NTNG1: variants seen among roughly 807,000 people sequenced by gnomAD.
NTNG1 encodes the protein netrin G1.
In NTNG1, 16 loss-of-function variants were observed where a neutral mutation model predicts 54.0. The ratio of observed to expected loss-of-function variants is 0.30; its 90% confidence interval spans 0.20 to 0.45. The LOEUF is 0.45. Among genes scored for constraint, NTNG1 ranks in the 20% least tolerant of loss-of-function variants. The pLI is 1.00. For synonymous variants in NTNG1, 255 were observed against 263.1 expected (o/e 0.97, Z 0.30); for missense variants, 530 against 678.7 (o/e 0.78, Z 2.43).
At chr1:107,160,063 T>C (rs550501749) in intron 2 of NTNG1, among the ~76,000 whole-genome samples, 1 of 152,330 alleles carries the variant, frequency 6.6e-6, no homozygotes, top group African/African-American at 2.4e-5. Context: ...GTTAGTGTGA[T>C]GCTTTTGTTT....
chr1:107,352,114 G>A (rs1049328534), intron 3 of NTNG1, among the ~76,000 whole-genome samples: 4 of 152,356 alleles, frequency 2.6e-5, no homozygotes, highest in Admixed American at 6.5e-5. Flanking sequence ...ATGGGTTGGC[G>A]TTGAGTGCTT....
intron 2 of NTNG1, among the ~76,000 whole-genome samples, chr1:107,296,432 C>G (rs2101784664): frequency 6.6e-6 from 1 of 151,942 alleles, no homozygotes; most frequent in South Asian, 2.1e-4. Context: ...GACAATCTAA[C>G]TGGAAAAAGA....
At chr1:107,143,650 TA>T (rs1198855237) in intron 1 of NTNG1, among the ~76,000 whole-genome samples, 1 of 152,158 alleles carries the variant, frequency 6.6e-6, no homozygotes, top group Non-Finnish European at 1.5e-5. Flanking sequence ...TAGCATACTT[TA>T]AAAAATAATT....
At chr1:107,338,859 A>T (rs1668743357) in intron 3 of NTNG1, among the ~76,000 whole-genome samples, 1 of 135,548 alleles carries the variant, frequency 7.4e-6, no homozygotes, top group Non-Finnish European at 1.6e-5. Context: ...AGATAAAACA[A>T]AGTAAGAAGC....
At position 107,417,433 on chromosome 1, in the gene NTNG1, C is replaced by G. The variant is rs150113564; in HGVS notation, c.1087+9725C>G. Among the ~76,000 whole-genome samples, 526 of 152,170 alleles carry G rather than the reference C, an allele frequency of 3.5e-3. 4 individuals are homozygous for G. The highest frequency in any genetic ancestry group is 5.2e-3 in the Non-Finnish European group (354 of 67,960). ...TATGGAGGAAACAACATGATAATAC[C>G]TGTTTACAGTAGCATAGCCACTTGG... On this transcript the variant is annotated intron_variant, in intron 5 of 7. Transcript: ENST00000370068.
At chr1:107,350,193 G>C (rs1669518016) in intron 3 of NTNG1, among the ~76,000 whole-genome samples, 1 of 151,854 alleles carries the variant, frequency 6.6e-6, no homozygotes, top group Non-Finnish European at 1.5e-5. Flanking sequence ...CTTATATTGG[G>C]AAATATCTTT....
At position 107,199,425 on chromosome 1, in the gene NTNG1, C is replaced by T. The variant is rs563326194; in HGVS notation, c.246+50586C>T. On this transcript the variant is annotated intron_variant, in intron 2 of 7. Coordinates refer to ENST00000370068, the MANE Select transcript of NTNG1 (RefSeq NM_001113226.3). ...GATCTATATCTTTGTAACTTCTACA[C>T]GAGTATTAAATTGTATTGCAGTCCT... Among the ~76,000 whole-genome samples the T allele has an allele frequency of 9.9e-5, 15 of 151,900 alleles. No individual in the cohort carries two copies. In the South Asian group the frequency reaches 1.0e-3, roughly 11 times the overall value.
chr1:107,436,198 A>T (rs1441100573), intron 6 of NTNG1, among the ~76,000 whole-genome samples: 1 of 152,238 alleles, frequency 6.6e-6, no homozygotes, highest in Non-Finnish European at 1.5e-5. Context: ...ATCATAAAGT[A>T]AAACTACCTT....
At chr1:107,443,193 C>T (rs1338107840) in intron 7 of NTNG1, among the ~76,000 whole-genome samples, 1 of 152,092 alleles carries the variant, frequency 6.6e-6, no homozygotes, top group Non-Finnish European at 1.5e-5. Flanking sequence ...GTAAGAACCA[C>T]AGTTTGATCA....
At chr1:107,209,398 G>C (rs1659445928) in intron 2 of NTNG1, among the ~76,000 whole-genome samples, 1 of 152,144 alleles carries the variant, frequency 6.6e-6, no homozygotes, top group African/African-American at 2.4e-5. Context: ...CAGATGATGA[G>C]ATAGTGGCGA....
chr1:107,406,891 C>A (rs1477888192), intron 4 of NTNG1, among the ~76,000 whole-genome samples: 3 of 152,236 alleles, frequency 2.0e-5, no homozygotes, highest in Middle Eastern at 3.4e-3. Context: ...ACTCAGAGAG[C>A]CTGGCTTCTG....
At chr1:107,330,774 G>A (rs896344486) in intron 3 of NTNG1, 2 of 152,012 alleles carry the variant, frequency 1.3e-5, no homozygotes, top group African/African-American at 4.8e-5. Flanking sequence ...TGTTATGGTG[G>A]ACTCTTTGAG....
intron 2 of NTNG1, among the ~76,000 whole-genome samples, chr1:107,167,036 A>C (rs943667141): frequency 6.6e-6 from 1 of 152,098 alleles, no homozygotes. Context: ...ACATTCTGTA[A>C]TCCCAGCCCA....
At position 107,393,148 on chromosome 1, in the gene NTNG1, A is replaced by G. The variant is rs868560405; in HGVS notation, c.888-2006A>G. Among the ~76,000 whole-genome samples the G allele has an allele frequency of 5.3e-5, 8 of 152,218 alleles. No individual in the cohort carries two copies. In the South Asian group the frequency reaches 1.7e-3, roughly 32 times the overall value. ...AAGTATGAAAGTATTAACAGTTACAAGATACATAATCCAATTTACAATTAC... is the reference window on the plus strand; with the variant it reads ...AAGTATGAAAGTATTAACAGTTACAGGATACATAATCCAATTTACAATTAC... On this transcript the variant is annotated intron_variant, in intron 3 of 7. Transcript: ENST00000370068.
intron 3 of NTNG1, among the ~76,000 whole-genome samples, chr1:107,360,365 C>T (rs377530678): frequency 2.6e-5 from 4 of 151,818 alleles, no homozygotes; most frequent in Admixed American, 6.6e-5. Context: ...GAGTGGGCCA[C>T]GGAAATATCT....
Position 107,219,575 on chromosome 1 carries a change from G to C in NTNG1, c.246+70736G>C, listed in dbSNP as rs1660207170. Among the ~76,000 whole-genome samples the C allele has an allele frequency of 1.3e-5, 2 of 152,214 alleles. 1 individual carries two copies. The highest frequency in any genetic ancestry group is 4.8e-5 in the African/African-American group (2 of 41,452). Reference sequence around the variant, plus strand: ...GAAGATATAGGACTTAAGGGCTGCTGTTGAGATTCTTCTGTCTCATGGGAT... The same window carrying C: ...GAAGATATAGGACTTAAGGGCTGCTCTTGAGATTCTTCTGTCTCATGGGAT... On this transcript the variant is annotated intron_variant, in intron 2 of 7. Transcript: ENST00000370068.
At chr1:107,327,910 A>ATACTGGC (rs1370872773) in intron 3 of NTNG1, among the ~76,000 whole-genome samples, 2 of 152,118 alleles carry the variant, frequency 1.3e-5, no homozygotes, top group African/African-American at 4.8e-5. Context: ...TGTTTGTTTT[A>ATACTGGC]TACTGGCTAG....
At chr1:107,467,283 A>G (rs1677668842) in intron 7 of NTNG1, among the ~76,000 whole-genome samples, 1 of 152,256 alleles carries the variant, frequency 6.6e-6, no homozygotes, top group Admixed American at 6.5e-5. Context: ...TCATTAAGCT[A>G]GAAATTGCTA....
chr1:107,301,731 G>A (rs1240249754), intron 2 of NTNG1, among the ~76,000 whole-genome samples: 1 of 151,902 alleles, frequency 6.6e-6, no homozygotes, highest in African/African-American at 2.4e-5. Context: ...TCTATTCTAC[G>A]CAACACAAGT....
Sources: gnomAD v4.1 joint callset for allele counts (sites outside exome capture counted in the v4.1 genomes callset) on GRCh38, gnomAD v4.1.1 for gene constraint, MANE v1.5 for transcripts, NCBI Gene and HGNC (gene_info 2026-07-23, HGNC 2026-07-21) for gene names.